SRP9: variants seen among roughly 807,000 people sequenced by gnomAD.
SRP9 encodes signal recognition particle 9 kDa protein.
Under a neutral mutation model 11.7 loss-of-function variants are expected in SRP9, and 2 were observed. The ratio of observed to expected loss-of-function variants is 0.17; its 90% CI spans 0.07 to 0.54. The LOEUF is 0.54. Ranked by LOEUF, SRP9 falls within the 20% of genes least tolerant of loss-of-function variation. SRP9 has a pLI of 0.94. For synonymous variants in SRP9, 27 were observed against 35.6 expected (o/e 0.76, Z 0.86); for missense variants, 54 against 108.1 (o/e 0.50, Z 2.22).
At chr1:225,785,763 A>G (rs1312432305) in intron 2 of SRP9, among the ~76,000 whole-genome samples, 1 of 148,798 alleles carries the variant, frequency 6.7e-6, no homozygotes, top group Non-Finnish European at 1.5e-5. Flanking sequence ...GCTCACTGCA[A>G]CCTCTGCCTT....
chr1:225,787,915 G>A (rs1301504021), intron 2 of SRP9, among the ~76,000 whole-genome samples: 1 of 152,154 alleles, frequency 6.6e-6, no homozygotes, highest in African/African-American at 2.4e-5. Flanking sequence ...AAAAAAATCA[G>A]TTGGGCATGA....
chr1:225,787,443 G>A (rs566225686), intron 2 of SRP9, among the ~76,000 whole-genome samples: 4 of 152,186 alleles, frequency 2.6e-5, no homozygotes, highest in African/African-American at 9.6e-5. Flanking sequence ...CAGGAGAATC[G>A]CTTGAACCTG....
chr1:225,784,268 A>G, intron 2 of SRP9, among the ~76,000 whole-genome samples: 1 of 65,972 alleles, frequency 1.5e-5, no homozygotes, highest in Admixed American at 2.5e-4. Flanking sequence ...TTTTTTTGAG[A>G]CGGAGTCTTG....
intron 1 of SRP9, among the ~76,000 whole-genome samples, chr1:225,779,723 AT>A (rs1234073107): frequency 2.0e-5 from 3 of 152,176 alleles, no homozygotes; most frequent in Non-Finnish European, 1.5e-5. Flanking sequence ...TATTTTTTAA[AT>A]TGAGTAATTT....
Position 225,789,299 on chromosome 1 carries a change from T to C in SRP9, c.201T>C (p.Ser67=). 1 of 1,608,414 alleles carries C rather than the reference T, an allele frequency of 6.2e-7. No homozygotes were observed. The highest frequency in any genetic ancestry group is 2.2e-5 in the East Asian group (1 of 44,806). The part of the protein sequence containing the change: ...QDVKKIEKFH[S]QLMRLMVAKE... ...TAAAGAAGATTGAGAAATTCCACAG[T>C]CAACTAATGCGACTTATGGTAGCCA... is the stretch of plus-strand genomic sequence containing the variant. Residue 67 remains serine, a synonymous_variant, in exon 3 of 3, where the codon AGT becomes AGC. Transcript: ENST00000304786.
intron 2 of SRP9, chr1:225,786,844 G>A: frequency 1.6e-6 from 2 of 1,251,814 alleles, no homozygotes; most frequent in Non-Finnish European, 2.1e-6. Flanking sequence ...TTGGTTGATT[G>A]CTTTTTTTTT....
chr1:225,787,803 T>A (rs1665947496), intron 2 of SRP9, among the ~76,000 whole-genome samples: 4 of 152,200 alleles, frequency 2.6e-5, no homozygotes, highest in African/African-American at 9.6e-5. Flanking sequence ...GCTAAAATTT[T>A]GATGATGAAG....
chr1:225,785,520 A>G (rs970805418), intron 2 of SRP9, among the ~76,000 whole-genome samples: 4 of 151,860 alleles, frequency 2.6e-5, no homozygotes, highest in Non-Finnish European at 5.9e-5. Flanking sequence ...AGCTGGGACT[A>G]CAGGCGCCCG....
At chr1:225,788,972 GATTTAAC>G (rs1463220610) in intron 2 of SRP9, 3 of 1,543,216 alleles carry the variant, frequency 1.9e-6, no homozygotes, top group Admixed American at 4.0e-5. Flanking sequence ...ACCATAGCAG[GATTTAAC>G]ATTTAACATT....
At chr1:225,788,886 T>C in intron 2 of SRP9, 1 of 993,420 alleles carries the variant, frequency 1.0e-6, no homozygotes, top group Non-Finnish European at 1.4e-6. Flanking sequence ...TGGGAGAAAA[T>C]ATGTAGGGAG....
intron 1 of SRP9, 98 bp from the exon 2 acceptor site, chr1:225,783,202 T>A (rs1665833864): frequency 1.2e-6 from 1 of 840,526 alleles, no homozygotes; most frequent in East Asian, 2.5e-5. Flanking sequence ...TGGGGGTATT[T>A]ATTCTAAAAG....
intron 2 of SRP9, among the ~76,000 whole-genome samples, chr1:225,784,735 A>G (rs895188235): frequency 4.0e-5 from 6 of 151,566 alleles, no homozygotes; most frequent in Admixed American, 2.6e-4. Context: ...CCAGCTACTC[A>G]GGAGGCTGAG....
rs542282668 is a variant in SRP9, at chr1:225,790,017, G to A, written c.*658G>A. 2.0e-5 allele frequency: 3 copies of A among 152,400 alleles called. No individual in the cohort carries two copies. Among genetic ancestry groups the A allele is most frequent in the Admixed American group, 2.0e-4 (3 of 15,296 alleles). 9.4% of individuals were successfully genotyped at this position (152,400 alleles called of 1,614,324 possible). A position where few individuals can be genotyped will look rare whatever the true frequency, so the allele number is the denominator to read the frequency against. ...CTTTGAATCTAGTTTTCAGTGATCAGAAGCAGCAGTTATTTGAGTGTATGA... is the reference window on the plus strand; with the variant it reads ...CTTTGAATCTAGTTTTCAGTGATCAAAAGCAGCAGTTATTTGAGTGTATGA... On this transcript the variant is annotated 3_prime_UTR_variant, in exon 3 of 3. Transcript: ENST00000304786.
chr1:225,779,800 G>T (rs1665758924), intron 1 of SRP9, among the ~76,000 whole-genome samples: 1 of 152,156 alleles, frequency 6.6e-6, no homozygotes, highest in African/African-American at 2.4e-5. Context: ...AGGGTCATTT[G>T]TTTCTTCATT....
At chr1:225,782,920 T>C (rs1665827683) in intron 1 of SRP9, among the ~76,000 whole-genome samples, 1 of 152,244 alleles carries the variant, frequency 6.6e-6, no homozygotes, top group Non-Finnish European at 1.5e-5. Context: ...TTCTGCTAAA[T>C]GTTTTCCTCC....
In SRP9 at chr1:225,783,328, C is replaced by G. The variant is rs1469814558; in HGVS notation, c.101C>G (p.Ser34Cys). The G allele has an allele frequency of 6.2e-7, 1 of 1,612,584 alleles. No individual in the cohort carries two copies. The highest frequency in any genetic ancestry group is 8.5e-7 in the Non-Finnish European group (1 of 1,179,172). ...KARVVLKYRH[S>C]DGNLCVKVTD... ...CGTGTGGTTCTCAAATATAGGCATT[C>G]TGATGGGAACTTGTGTGTTAAAGTA... The change falls in exon 2 of 3, where the codon TCT (serine) becomes TGT (cysteine). Residue 34 changes from serine (S) to cysteine (C), a missense_variant. Transcript: ENST00000304786.
rs1665713202 is a variant in SRP9, at chr1:225,777,887, G to C, written c.-54G>C. The C allele has an allele frequency of 8.4e-6, 13 of 1,546,014 alleles. No individual in the cohort carries two copies. The highest frequency in any genetic ancestry group is 1.1e-5 in the South Asian group (1 of 88,628). On this transcript the variant is annotated 5_prime_UTR_variant, in exon 1 of 3. Coordinates refer to ENST00000304786, the MANE Select transcript of SRP9 (RefSeq NM_003133.6). ...GGCGACTCCCGGACGTAGGTAGTTTGTTGGGCCGGGTTCTGAGGCCTTGCT... is the reference window on the plus strand; with the variant it reads ...GGCGACTCCCGGACGTAGGTAGTTTCTTGGGCCGGGTTCTGAGGCCTTGCT...
Position 225,789,157 on chromosome 1 carries a change from A to T in SRP9, c.142-83A>T, listed in dbSNP as rs1017997005. 4.4e-5 allele frequency: 69 copies of T among 1,554,276 alleles called. No individual in the cohort carries two copies. In the African/African-American group the frequency reaches 7.5e-4, roughly 17 times the overall value. On this transcript the variant is annotated intron_variant, in intron 2 of 2. Coordinates refer to ENST00000304786, the MANE Select transcript of SRP9 (RefSeq NM_003133.6). ...CAAAACAGTGGTAGGAAAAACTCTCAAAATTTTACCCAATTGTATGTTTTC... is the reference window on the plus strand; with the variant it reads ...CAAAACAGTGGTAGGAAAAACTCTCTAAATTTTACCCAATTGTATGTTTTC...
At chr1:225,784,972 C>T (rs7548080) in intron 2 of SRP9, among the ~76,000 whole-genome samples, 61,398 of 151,846 alleles carry the variant, frequency 0.4, 13,641 homozygotes, top group African/African-American at 0.6. Context: ...GACAGGATAT[C>T]GCTATGTTGC....
Sources: gnomAD v4.1 joint callset for allele counts (sites outside exome capture counted in the v4.1 genomes callset) on GRCh38, gnomAD v4.1.1 for gene constraint, MANE v1.5 for transcripts, NCBI Gene and HGNC (gene_info 2026-07-23, HGNC 2026-07-21) for gene names.